Variants in DLGAP1 observed in about 807,000 individuals in gnomAD.
DLGAP1 encodes DLG associated protein 1.
DLGAP1 carries 11 observed loss-of-function variants against 90.8 expected under a neutral mutation model. That is an observed-to-expected ratio of 0.12 (90% CI 0.08 to 0.20). The LOEUF (loss-of-function observed/expected upper bound fraction) is 0.20, where lower values mean the gene tolerates loss of function less well. DLGAP1 is among the 10% of genes least tolerant of loss of function. The pLI, the probability that DLGAP1 is intolerant of heterozygous loss-of-function variation, is 1.00. For synonymous variants in DLGAP1, 558 were observed against 540.7 expected (o/e 1.03, Z -0.44); for missense variants, 1,050 against 1,333.8 (o/e 0.79, Z 3.31).
chr18:4,217,093 T>A (rs905632335), intron 1 of DLGAP1, among the ~76,000 whole-genome samples: 22 of 152,198 alleles, frequency 1.4e-4, no homozygotes, highest in Admixed American at 9.2e-4. Context: ...CTGCCTGTAT[T>A]TTCACCTATA....
intron 1 of DLGAP1, among the ~76,000 whole-genome samples, chr18:4,305,165 G>C (rs1048027602): frequency 6.6e-6 from 1 of 152,110 alleles, no homozygotes; most frequent in African/African-American, 2.4e-5. Context: ...ATCTGGGTGT[G>C]CTTATGCGGT....
intron 1 of DLGAP1, among the ~76,000 whole-genome samples, chr18:4,393,729 G>A (rs1420955047): frequency 1.3e-5 from 2 of 152,116 alleles, no homozygotes. Flanking sequence ...AACCCTTTCG[G>A]CACCAGGGAC....
intron 3 of DLGAP1, among the ~76,000 whole-genome samples, chr18:3,978,864 A>G (rs2073659537): frequency 6.6e-6 from 1 of 152,152 alleles, no homozygotes; most frequent in Non-Finnish European, 1.5e-5. Context: ...GAGGCAGAGG[A>G]GGGGGAACAG....
chr18:4,447,218 A>G (rs1881610356), intron 1 of DLGAP1, among the ~76,000 whole-genome samples: 1 of 152,136 alleles, frequency 6.6e-6, no homozygotes, highest in East Asian at 1.9e-4. Flanking sequence ...GTGAATGTTC[A>G]CATCAGCCTT....
chr18:3,639,561 T>C (rs1049409132), intron 7 of DLGAP1, among the ~76,000 whole-genome samples: 3 of 151,716 alleles, frequency 2.0e-5, no homozygotes, highest in African/African-American at 7.3e-5. Context: ...TCACAGCCCA[T>C]TGGCTTAAAA....
At chr18:4,161,635 T>C (rs779004771) in intron 1 of DLGAP1, among the ~76,000 whole-genome samples, 1 of 152,200 alleles carries the variant, frequency 6.6e-6, no homozygotes, top group Non-Finnish European at 1.5e-5. Context: ...GGTTGGTGAC[T>C]AGTTCATTTG....
chr18:3,620,545 TTTA>T (rs4065327), intron 7 of DLGAP1, among the ~76,000 whole-genome samples: 79,824 of 149,768 alleles, frequency 0.53, 21,683 homozygotes, highest in East Asian at 0.81. Flanking sequence ...GCTATCACAT[TTTA>T]TTATTATTAT....
intron 1 of DLGAP1, among the ~76,000 whole-genome samples, chr18:4,296,067 G>A (rs2079972754): frequency 6.6e-6 from 1 of 152,154 alleles, no homozygotes; most frequent in Admixed American, 6.5e-5. Context: ...CATGAAAACT[G>A]TGCTTCTCAT....
intron 5 of DLGAP1, among the ~76,000 whole-genome samples, chr18:3,754,412 A>C (rs549983895): frequency 1.6e-4 from 25 of 152,042 alleles, no homozygotes; most frequent in African/African-American, 4.8e-4. Flanking sequence ...TCTTCAATAA[A>C]TGTATTGAAA....
chr18:3,570,099 G>T, intron 8 of DLGAP1, among the ~76,000 whole-genome samples: 1 of 151,822 alleles, frequency 6.6e-6, no homozygotes, highest in East Asian at 2.0e-4. Context: ...AGCCCAAGTG[G>T]GTAGTATGCT....
chr18:3,508,777 C>T (rs2050378933), intron 10 of DLGAP1, 116 bp from the exon 11 acceptor site: 3 of 747,570 alleles, frequency 4.0e-6, no homozygotes, highest in Non-Finnish European at 6.5e-6. Flanking sequence ...CACACACACA[C>T]ACTGAACACT....
intron 7 of DLGAP1, among the ~76,000 whole-genome samples, chr18:3,645,217 C>A (rs947268594): frequency 6.6e-6 from 1 of 152,142 alleles, no homozygotes; most frequent in African/African-American, 2.4e-5. Flanking sequence ...CTGAGCCTCC[C>A]GAGTAGCTGG....
At chr18:3,997,493 C>T (rs1300979524) in intron 3 of DLGAP1, among the ~76,000 whole-genome samples, 1 of 152,012 alleles carries the variant, frequency 6.6e-6, no homozygotes, top group African/African-American at 2.4e-5. Flanking sequence ...TTTTCTAAAG[C>T]CTGAGTTTTA....
chr18:4,218,175 GCC>G (rs2077997793), intron 1 of DLGAP1, among the ~76,000 whole-genome samples: 1 of 146,986 alleles, frequency 6.8e-6, no homozygotes, highest in Admixed American at 6.8e-5. Flanking sequence ...TCACTGAACT[GCC>G]TTTGCTTCTT....
intron 9 of DLGAP1, among the ~76,000 whole-genome samples, chr18:3,553,388 T>C (rs1020958079): frequency 6.6e-6 from 1 of 152,220 alleles, no homozygotes; most frequent in African/African-American, 2.4e-5. Flanking sequence ...GGCGACTTTA[T>C]TTTATTTCTG....
intron 5 of DLGAP1, among the ~76,000 whole-genome samples, chr18:3,749,777 CT>C (rs1010451843): frequency 7.2e-5 from 11 of 152,076 alleles, no homozygotes; most frequent in African/African-American, 2.7e-4. Flanking sequence ...ACATACCTTT[CT>C]CCTCAAATTT....
At chr18:3,834,475 AAG>A (rs1272899966) in intron 4 of DLGAP1, among the ~76,000 whole-genome samples, 1 of 152,150 alleles carries the variant, frequency 6.6e-6, no homozygotes, top group Non-Finnish European at 1.5e-5. Flanking sequence ...TCATTAAAGA[AAG>A]AGTTTTGATT....
chr18:4,269,530 A>G (rs1268492466), intron 1 of DLGAP1, among the ~76,000 whole-genome samples: 1 of 151,468 alleles, frequency 6.6e-6, no homozygotes, highest in Admixed American at 6.6e-5. Flanking sequence ...ATTTTTGTGT[A>G]TTTTTAGTAG....
rs369107009 is a variant in DLGAP1, at chr18:4,123,980, C to T, written c.-159+27200G>A. ...AGGTGAAATTCCCATGTTAAAGATG[C>T]GCTCCTAGAGGAAGCAATATTCTTA... On this transcript the variant is annotated intron_variant, in intron 2 of 12. Transcript: ENST00000315677. Among the ~76,000 whole-genome samples the T allele has an allele frequency of 7.9e-5, 12 of 152,234 alleles. No individual in the cohort carries two copies. In the East Asian group the frequency reaches 1.7e-3, roughly 22 times the overall value.
Sources: allele counts gnomAD v4.1 joint callset (sites outside exome capture counted in the v4.1 genomes callset), GRCh38; gene constraint gnomAD v4.1.1; transcripts MANE v1.5; gene names NCBI Gene and HGNC (gene_info 2026-07-23, HGNC 2026-07-21).